DLGAP1: variants seen among roughly 807,000 people sequenced by gnomAD.
The protein encoded by DLGAP1 is DLG associated protein 1, also known as disks large-associated protein 1.
Under a neutral mutation model 90.8 loss-of-function variants are expected in DLGAP1, and 11 were observed. The ratio of observed to expected loss-of-function variants is 0.12; its 90% CI spans 0.08 to 0.20. DLGAP1 has a LOEUF of 0.20. DLGAP1 is among the 10% of genes least tolerant of loss of function. The pLI is 1.00. For missense variants in DLGAP1, 1,050 were observed against 1,333.8 expected (o/e 0.79, Z 3.31); for synonymous variants, 558 against 540.7 (o/e 1.03, Z -0.44).
chr18:4,359,773 C>T (rs979573567), intron 1 of DLGAP1, among the ~76,000 whole-genome samples: 1 of 152,116 alleles, frequency 6.6e-6, no homozygotes, highest in African/African-American at 2.4e-5. Context: ...TTGGAATATA[C>T]ATTCAAGCAG....
intron 1 of DLGAP1, among the ~76,000 whole-genome samples, chr18:4,369,301 G>A (rs2081859758): frequency 6.6e-6 from 1 of 152,036 alleles, no homozygotes; most frequent in African/African-American, 2.4e-5. Context: ...GTGTGCGTGT[G>A]TGTGTGTATT....
At chr18:4,021,023 C>T (rs76426089) in intron 2 of DLGAP1, among the ~76,000 whole-genome samples, 3,743 of 152,162 alleles carry the variant, frequency 0.025, 145 homozygotes, top group African/African-American at 0.082. Context: ...CTCACTTCGG[C>T]GCCTTACGAT....
chr18:3,795,096 G>C (rs1168639565), intron 5 of DLGAP1, among the ~76,000 whole-genome samples: 2 of 152,148 alleles, frequency 1.3e-5, no homozygotes. Flanking sequence ...ATTGGCATGA[G>C]TGTAAGACTC....
intron 1 of DLGAP1, among the ~76,000 whole-genome samples, chr18:4,341,053 G>A (rs2081178779): frequency 6.6e-6 from 1 of 151,972 alleles, no homozygotes; most frequent in Admixed American, 6.6e-5. Context: ...GAGTTAAGGA[G>A]CCCTTAAGTA....
chr18:3,550,051 C>A (rs2053296112), intron 9 of DLGAP1, among the ~76,000 whole-genome samples: 1 of 152,060 alleles, frequency 6.6e-6, no homozygotes, highest in Non-Finnish European at 1.5e-5. Flanking sequence ...GTAGCTGAGA[C>A]TACAGGTGCA....
intron 1 of DLGAP1, among the ~76,000 whole-genome samples, chr18:4,444,365 T>G (rs1257302319): frequency 6.6e-6 from 1 of 152,240 alleles, no homozygotes; most frequent in Non-Finnish European, 1.5e-5. Context: ...TAAATCTTCC[T>G]TGGGGAGAGA....
intron 2 of DLGAP1, among the ~76,000 whole-genome samples, chr18:4,119,786 T>C (rs763242019): frequency 6.6e-6 from 1 of 152,216 alleles, no homozygotes; most frequent in Non-Finnish European, 1.5e-5. Context: ...AAATTTTCTG[T>C]TTCTATATTT....
chr18:4,268,646 G>T (rs901217852), intron 1 of DLGAP1, among the ~76,000 whole-genome samples: 2 of 152,092 alleles, frequency 1.3e-5, no homozygotes, highest in African/African-American at 2.4e-5. Flanking sequence ...AAATATGGCA[G>T]AATTGTTAGG....
chr18:4,090,369 A>G, intron 2 of DLGAP1, among the ~76,000 whole-genome samples: 1 of 152,216 alleles, frequency 6.6e-6, no homozygotes, highest in East Asian at 1.9e-4. Context: ...TCTAATATCC[A>G]GAATCTACAA....
chr18:3,520,047 TA>T (rs942690529), intron 10 of DLGAP1, among the ~76,000 whole-genome samples: 2 of 151,326 alleles, frequency 1.3e-5, no homozygotes, highest in Admixed American at 6.6e-5. Flanking sequence ...AAGTAAAATT[TA>T]AAAAAAAATT....
chr18:4,350,248 G>A (rs906288819), intron 1 of DLGAP1, among the ~76,000 whole-genome samples: 2 of 152,000 alleles, frequency 1.3e-5, no homozygotes, highest in Non-Finnish European at 2.9e-5. Flanking sequence ...TAAAAATGGA[G>A]GGAAATATTA....
At chr18:4,363,162 A>AT (rs2081667123) in intron 1 of DLGAP1, among the ~76,000 whole-genome samples, 4 of 152,152 alleles carry the variant, frequency 2.6e-5, no homozygotes, top group Admixed American at 2.6e-4. Flanking sequence ...CCTTGTGGAG[A>AT]TAAAAAATGT....
rs60379984 is a variant in DLGAP1 at position 4,354,887 on chromosome 18, CAAAAAAAAAAAAAAAAAAAAA to C, written c.-267+100098_-267+100118del. Among the ~76,000 whole-genome samples, 35 of 23,874 alleles carry C rather than the reference CAAAAAAAAAAAAAAAAAAAAA, an allele frequency of 1.5e-3. No homozygotes were observed. In the South Asian group the frequency reaches 0.019, roughly 13 times the overall value. 15.7% of individuals were successfully genotyped at this position (23,874 alleles called of 152,430 possible). On this transcript the variant is annotated intron_variant, in intron 1 of 12. Coordinates refer to ENST00000315677, the MANE Select transcript of DLGAP1 (RefSeq NM_004746.4). The stretch of plus-strand genomic sequence containing the variant: ...TGGCTTTTTCTGCAATTACTCTCAC[CAAAAAAAAAAAAAAAAAAAAA>C]AAAAAAAAAAAAAAAATCCTCTCTA...
chr18:4,018,407 C>A (rs202073042), intron 2 of DLGAP1, among the ~76,000 whole-genome samples: 4 of 152,320 alleles, frequency 2.6e-5, no homozygotes, highest in Admixed American at 2.0e-4. Context: ...TGAGGCAGCT[C>A]CCTTTGGCCA....
At chr18:4,216,450 TAGTC>T (rs2077958727) in intron 1 of DLGAP1, among the ~76,000 whole-genome samples, 1 of 152,194 alleles carries the variant, frequency 6.6e-6, no homozygotes. Context: ...TTCATGTTCA[TAGTC>T]AAATTTTTTA....
chr18:4,130,367 T>C (rs953359481), intron 2 of DLGAP1, among the ~76,000 whole-genome samples: 3 of 152,178 alleles, frequency 2.0e-5, no homozygotes, highest in Non-Finnish European at 4.4e-5. Context: ...GATTATTTAA[T>C]AGTAAGTGAT....
intron 1 of DLGAP1, among the ~76,000 whole-genome samples, chr18:4,200,272 T>A (rs2077583721): frequency 6.6e-6 from 1 of 151,994 alleles, no homozygotes; most frequent in Non-Finnish European, 1.5e-5. Context: ...GTACCACTCT[T>A]TCAGAAATAT....
chr18:4,373,703 ATAGAG>A (rs1475350966), intron 1 of DLGAP1, among the ~76,000 whole-genome samples: 2 of 152,142 alleles, frequency 1.3e-5, no homozygotes, highest in Non-Finnish European at 2.9e-5. Context: ...CCTTTATCAC[ATAGAG>A]TATTTATTAG....
chr18:3,593,444 G>T lies in DLGAP1; in HGVS notation c.1592-11196C>A, dbSNP rs377090807. On this transcript the variant is annotated intron_variant, in intron 7 of 12. Transcript: ENST00000315677. ...GCAGAGATCAGAGGCTGTTGGGGTG[G>T]GTCATACACCATGATTCCCGGCCCC... Among the ~76,000 whole-genome samples, 6 of 152,282 alleles carry T rather than the reference G, an allele frequency of 3.9e-5. No homozygotes were observed. In the East Asian group the frequency reaches 5.8e-4, roughly 15 times the overall value.
Sources: gnomAD v4.1 joint callset for allele counts (sites outside exome capture counted in the v4.1 genomes callset) on GRCh38, gnomAD v4.1.1 for gene constraint, MANE v1.5 for transcripts, NCBI Gene and HGNC (gene_info 2026-07-23, HGNC 2026-07-21) for gene names.